The following ALPK2 variants were observed in gnomAD, a reference collection of about 807,000 sequenced individuals.
The protein encoded by ALPK2 is alpha kinase 2.
A neutral mutation model predicts 163.1 loss-of-function variants in ALPK2; 127 were observed. The ratio of observed to expected loss-of-function variants is 0.78; its 90% CI spans 0.67 to 0.90. The LOEUF (loss-of-function observed/expected upper bound fraction) is 0.90. Among genes scored for constraint, ALPK2 ranks in the 40% least tolerant of loss-of-function variants. ALPK2 has a pLI of 0.00. For synonymous variants in ALPK2, 953 were observed against 959.1 expected (o/e 0.99, Z 0.12); for missense variants, 2,360 against 2,589.6 (o/e 0.91, Z 1.92).
chr18:58,549,206 C>T (rs995080162), intron 4 of ALPK2, among the ~76,000 whole-genome samples: 2 of 152,114 alleles, frequency 1.3e-5, no homozygotes, highest in African/African-American at 2.4e-5. Context: ...ATAACTGTAC[C>T]GACTATAGCC....
At chr18:58,625,916 G>A (rs558643546) in intron 1 of ALPK2, among the ~76,000 whole-genome samples, 2 of 152,228 alleles carry the variant, frequency 1.3e-5, no homozygotes, top group Non-Finnish European at 2.9e-5. Flanking sequence ...GTGCATAGGC[G>A]GAAATCCCAA....
chr18:58,537,732 T>C lies in ALPK2; in HGVS notation c.2455A>G (p.Ile819Val). Reference sequence around the variant, plus strand: ...ACTGGTCTCCCAACAAGAGAATCTATGGTATCAAAACACGTTCCTTGGTCA... The same window carrying C: ...ACTGGTCTCCCAACAAGAGAATCTACGGTATCAAAACACGTTCCTTGGTCA... ...AGDQGTCFDT[I>V]DSLVGRPVDK... Residue 819 changes from isoleucine to valine, a missense_variant, in exon 5 of 13, where the codon ATA becomes GTA. By Grantham distance (29) the Ile-to-Val change is conservative. Transcript: ENST00000361673. 6.2e-7 allele frequency: 1 copy of C among 1,614,164 alleles called. No homozygotes were observed. Among genetic ancestry groups the C allele is most frequent in the East Asian group, 2.2e-5 (1 of 44,874 alleles).
intron 5 of ALPK2, among the ~76,000 whole-genome samples, chr18:58,531,064 G>A (rs34091377): frequency 0.13 from 19,923 of 151,956 alleles, 1,733 homozygotes; most frequent in Non-Finnish European, 0.2. Context: ...GGTGCAGTGC[G>A]CATGCCTGTG....
At chr18:58,563,454 A>G (rs2051835202) in intron 4 of ALPK2, among the ~76,000 whole-genome samples, 1 of 152,210 alleles carries the variant, frequency 6.6e-6, no homozygotes, top group Non-Finnish European at 1.5e-5. Flanking sequence ...GTAAGAGTGA[A>G]AGAAGTGACT....
At chr18:58,531,410 C>T (rs931722779) in intron 5 of ALPK2, among the ~76,000 whole-genome samples, 3 of 151,598 alleles carry the variant, frequency 2.0e-5, no homozygotes, top group East Asian at 1.9e-4. Flanking sequence ...GTGTACCAGC[C>T]GGAAAGCAGT....
chr18:58,615,266 C>G (rs1602241392), intron 1 of ALPK2, among the ~76,000 whole-genome samples: 1 of 152,214 alleles, frequency 6.6e-6, no homozygotes, highest in African/African-American at 2.4e-5. Context: ...GGATGACTAC[C>G]CCACTCTTCA....
Position 58,536,844 on chromosome 18 carries a change from C to A in ALPK2, c.3343G>T (p.Asp1115Tyr). The A allele has an allele frequency of 6.2e-7, 1 of 1,614,140 alleles. No individual in the cohort carries two copies. The highest frequency in any genetic ancestry group is 8.5e-7 in the Non-Finnish European group (1 of 1,180,012). The change falls in exon 5 of 13, where the codon GAC becomes TAC. Residue 1115 changes from aspartate (D) to tyrosine (Y), a missense_variant. By Grantham distance (160) the Asp-to-Tyr change is radical (BLOSUM62 -3). Coordinates refer to ENST00000361673, the MANE Select transcript of ALPK2 (RefSeq NM_052947.4). ...NLSGDKSQTV[D>Y]RADFRSYEEN... is the part of the protein sequence containing the mutation. ...TCATAGCTCCTAAAGTCTGCTCTGT[C>A]CACAGTCTGGCTCTTATCTCCAGAC...
Position 58,513,165 on chromosome 18 carries a change from T to G in ALPK2, c.6029+1828A>C, listed in dbSNP as rs1188033555. Among the ~76,000 whole-genome samples the G allele has an allele frequency of 6.8e-5, 10 of 146,742 alleles. No individual in the cohort carries two copies. The East Asian group carries it at 1.8e-3, about 27-fold the overall frequency. On this transcript the variant is annotated intron_variant, in intron 10 of 12. Coordinates refer to ENST00000361673, the MANE Select transcript of ALPK2 (RefSeq NM_052947.4). The stretch of plus-strand genomic sequence containing the variant: ...GTGGTATGTATGTGTGGTGTGGGGG[T>G]GTGTGTGGGGTGTGTGTTTGTGTTG...
chr18:58,497,410 AAAG>A (rs1383355988), intron 12 of ALPK2, among the ~76,000 whole-genome samples: 1 of 152,218 alleles, frequency 6.6e-6, no homozygotes, highest in Non-Finnish European at 1.5e-5. Context: ...GCAGTCAAGT[AAAG>A]AAGTGGGAAG....
Position 58,579,387 on chromosome 18 carries a change from T to C in ALPK2, c.1389A>G (p.Pro463=). The change falls in exon 4 of 13, where the codon CCA becomes CCG. Residue 463 remains proline, a synonymous_variant. Coordinates refer to ENST00000361673, the MANE Select transcript of ALPK2 (RefSeq NM_052947.4). ...TAPEAAENDY[P]GIQGETRDSH... ...TGTCTCTGGTTTCTCCTTGAATTCC[T>C]GGATAATCATTTTCAGCAGCCTCGG... is the stretch of plus-strand genomic sequence containing the variant. 6.2e-7 allele frequency: 1 copy of C among 1,614,206 alleles called. No homozygotes were observed. Among genetic ancestry groups the C allele is most frequent in the Non-Finnish European group, 8.5e-7 (1 of 1,180,030 alleles).
intron 3 of ALPK2, among the ~76,000 whole-genome samples, chr18:58,585,021 C>A (rs2051978424): frequency 6.6e-6 from 1 of 152,174 alleles, no homozygotes; most frequent in African/African-American, 2.4e-5. Flanking sequence ...ATTCCTCTCC[C>A]CTGCTGTGAA....
intron 4 of ALPK2, among the ~76,000 whole-genome samples, chr18:58,575,385 A>G (rs902916875): frequency 6.6e-6 from 1 of 152,136 alleles, no homozygotes; most frequent in African/African-American, 2.4e-5. Flanking sequence ...CCCTTCCATC[A>G]CGGAGCTCAA....
intron 3 of ALPK2, among the ~76,000 whole-genome samples, chr18:58,604,166 A>G (rs1178601448): frequency 6.6e-6 from 1 of 152,230 alleles, no homozygotes; most frequent in Non-Finnish European, 1.5e-5. Context: ...ACACAGAAAC[A>G]GGAGCTTTCG....
At chr18:58,590,049 C>G (rs1029796455) in intron 3 of ALPK2, among the ~76,000 whole-genome samples, 3 of 151,554 alleles carry the variant, frequency 2.0e-5, no homozygotes, top group African/African-American at 7.3e-5. Flanking sequence ...GAAACCTCGT[C>G]TTTACTAAAA....
chr18:58,537,178 C>T lies in ALPK2; in HGVS notation c.3009G>A (p.Arg1003=), dbSNP rs55910046. 842,187 of 1,613,646 alleles carry T rather than the reference C, an allele frequency of 0.52. 224,510 individuals carry two copies. The highest frequency in any genetic ancestry group is 0.56 in the Non-Finnish European group (656,391 of 1,179,706). ...TANNECFQAT[R]ETEDTSTVTI... is the part of the protein sequence containing the mutation. ...TAACAGTTGATGTGTCCTCAGTCTC[C>T]CTGGTCGCTTGAAAGCACTCATTAT... The change falls in exon 5 of 13, where the codon AGG becomes AGA. Residue 1003 remains arginine (R), a synonymous_variant. Transcript: ENST00000361673.
rs774813165 is a variant in ALPK2, at chr18:58,579,391, T to A, written c.1385A>T (p.Tyr462Phe). 6.2e-7 allele frequency: 1 copy of A among 1,614,142 alleles called. No homozygotes were observed. The highest frequency in any genetic ancestry group is 1.1e-5 in the South Asian group (1 of 91,078). Residue 462 changes from tyrosine to phenylalanine, a missense_variant, in exon 4 of 13, where the codon TAT (tyrosine) becomes TTT (phenylalanine). By Grantham distance (22) the Tyr-to-Phe change is conservative (BLOSUM62 3). Coordinates refer to ENST00000361673, the MANE Select transcript of ALPK2 (RefSeq NM_052947.4). ...PTAPEAAENDYPGIQGETRDS... is the reference protein window; with the variant it reads ...PTAPEAAENDFPGIQGETRDS... ...TCTGGTTTCTCCTTGAATTCCTGGA[T>A]AATCATTTTCAGCAGCCTCGGGAGC... is the stretch of plus-strand genomic sequence containing the variant.
rs61738805 is a variant in ALPK2, at chr18:58,537,600, A to G, written c.2587T>C (p.Phe863Leu). The G allele has an allele frequency of 2.2e-3, 3,486 of 1,613,708 alleles. 66 individuals are homozygous for G. The African/African-American group carries it at 0.042, about 20-fold the overall frequency. ...GTCTCAGACACTTGTGTCTGAAAAAAGACTTCCAGTGTCTTGTCATTAGAA... is the reference window on the plus strand; with the variant it reads ...GTCTCAGACACTTGTGTCTGAAAAAGGACTTCCAGTGTCTTGTCATTAGAA... ...CSSNDKTLEV[F>L]FQTQVSETSV... Residue 863 changes from phenylalanine (F) to leucine (L), a missense_variant, in exon 5 of 13, where the codon TTT becomes CTT. By Grantham distance (22) the Phe-to-Leu change is conservative (BLOSUM62 0). Transcript: ENST00000361673.
chr18:58,583,740 A>G (rs1454293830), intron 3 of ALPK2, among the ~76,000 whole-genome samples: 1 of 71,440 alleles, frequency 1.4e-5, no homozygotes, highest in Admixed American at 1.6e-4. Context: ...TTTGTCTCAA[A>G]AAAAAAAAAA....
At chr18:58,494,242 C>T (rs1237601480) in intron 12 of ALPK2, among the ~76,000 whole-genome samples, 1 of 152,130 alleles carries the variant, frequency 6.6e-6, no homozygotes, top group East Asian at 1.9e-4. Context: ...TCTTACTTGC[C>T]ATACTTTGTA....
Sources: gnomAD v4.1 joint callset for allele counts (sites outside exome capture counted in the v4.1 genomes callset) on GRCh38, gnomAD v4.1.1 for gene constraint, MANE v1.5 for transcripts, NCBI Gene and HGNC (gene_info 2026-07-23, HGNC 2026-07-21) for gene names.